ASIC2: variants seen among roughly 807,000 people sequenced by gnomAD.
The protein encoded by ASIC2 is acid sensing ion channel subunit 2, also known as acid-sensing ion channel 2.
ASIC2 carries 25 observed loss-of-function variants against 57.3 expected under a neutral mutation model. That is an observed-to-expected ratio of 0.44 (90% CI 0.32 to 0.61). The LOEUF is 0.61. Ranked by LOEUF, ASIC2 falls within the 20% of genes least tolerant of loss-of-function variation. The pLI, the probability that ASIC2 is intolerant of heterozygous loss-of-function variation, is 0.06. For missense variants in ASIC2, 641 were observed against 738.1 expected (o/e 0.87, Z 1.52); for synonymous variants, 319 against 307.5 (o/e 1.04, Z -0.39).
At chr17:33,973,656 C>T (rs557624713) in intron 1 of ASIC2, among the ~76,000 whole-genome samples, 1 of 152,298 alleles carries the variant, frequency 6.6e-6, no homozygotes, top group East Asian at 1.9e-4. Flanking sequence ...CATATAGACA[C>T]AGAGAGGAGT....
At chr17:33,291,144 G>A (rs564467337) in intron 1 of ASIC2, 1 of 619,098 alleles carries the variant, frequency 1.6e-6, no homozygotes, top group African/African-American at 1.9e-5. Context: ...GTAGAATGAG[G>A]GCTTTGGGGG....
At chr17:33,294,706 A>G (rs550543156), upstream of ASIC2, among the ~76,000 whole-genome samples, 1 of 152,246 alleles carries the variant, frequency 6.6e-6, no homozygotes, top group Non-Finnish European at 1.5e-5. Flanking sequence ...TATATACCCA[A>G]TGCATACTGC....
intron 1 of ASIC2, among the ~76,000 whole-genome samples, chr17:33,934,856 C>T (rs1175693092): frequency 2.0e-5 from 3 of 152,208 alleles, no homozygotes; most frequent in Non-Finnish European, 2.9e-5. Context: ...CCCCCTCAAG[C>T]TTTCCAGCTC....
intron 1 of ASIC2, among the ~76,000 whole-genome samples, chr17:33,431,541 G>T (rs1253125832): frequency 6.6e-6 from 1 of 152,156 alleles, no homozygotes; most frequent in Non-Finnish European, 1.5e-5. Context: ...GGAGGCGGAG[G>T]TCGCCGTGAG....
At chr17:33,094,196 G>A (rs1010879798) in intron 2 of ASIC2, among the ~76,000 whole-genome samples, 1 of 152,174 alleles carries the variant, frequency 6.6e-6, no homozygotes, top group Non-Finnish European at 1.5e-5. Context: ...ATCAGTTAAT[G>A]GTGGGCCAGG....
intron 1 of ASIC2, among the ~76,000 whole-genome samples, chr17:33,478,185 G>A (rs1436654300): frequency 6.6e-6 from 1 of 152,180 alleles, no homozygotes; most frequent in Non-Finnish European, 1.5e-5. Flanking sequence ...ACCTTCAAGG[G>A]AGGTGGATGA....
intron 3 of ASIC2, among the ~76,000 whole-genome samples, chr17:33,087,688 A>G (rs1314053262): frequency 3.5e-5 from 5 of 143,122 alleles, no homozygotes; most frequent in African/African-American, 5.2e-5. Context: ...CCAACCGCCC[A>G]AGTAGCTGGG....
intron 1 of ASIC2, among the ~76,000 whole-genome samples, chr17:33,773,838 A>T (rs200176555): frequency 2.7e-5 from 4 of 149,684 alleles, no homozygotes; most frequent in East Asian, 2.0e-4. Flanking sequence ...TTTTATTATT[A>T]TTTTTTTTTG....
rs376413662 is a variant in ASIC2, at chr17:34,131,897, G to C, written c.555+24081C>G. 4.1e-4 allele frequency among the ~76,000 whole-genome samples: 62 copies of C among 152,282 alleles called. 1 individual carries two copies. The highest frequency in any genetic ancestry group is 1.4e-3 in the African/African-American group (58 of 41,554). On this transcript the variant is annotated intron_variant, in intron 1 of 9. Coordinates refer to the ASIC2 transcript ENST00000359872. ...CCACTGACGAATTACCTTGGGTCTAGCTTCTCCATTCTTCTCTGAGGGACA... is the reference window on the plus strand; with the variant it reads ...CCACTGACGAATTACCTTGGGTCTACCTTCTCCATTCTTCTCTGAGGGACA...
intron 1 of ASIC2, among the ~76,000 whole-genome samples, chr17:33,517,614 A>G (rs1265290066): frequency 6.7e-6 from 1 of 149,728 alleles, no homozygotes; most frequent in African/African-American, 2.5e-5. Context: ...CAATGCACAC[A>G]AGTGAGAGAG....
In ASIC2 at chr17:33,704,656, A is replaced by T. The variant is rs1370645996; in HGVS notation, c.555+451322T>A. ...AACAGCTGTCAACAAAACAAGGGGCAGAAGTTCATGGACCAAAGACTAGGA... is the reference window on the plus strand; with the variant it reads ...AACAGCTGTCAACAAAACAAGGGGCTGAAGTTCATGGACCAAAGACTAGGA... On this transcript the variant is annotated intron_variant, in intron 1 of 9. Coordinates refer to the ASIC2 transcript ENST00000359872. Among the ~76,000 whole-genome samples, 3 of 152,378 alleles carry T rather than the reference A, an allele frequency of 2.0e-5. No individual in the cohort carries two copies. The East Asian group carries it at 5.8e-4, about 29-fold the overall frequency.
chr17:33,107,834 C>T lies in ASIC2; in HGVS notation c.859+4083G>A, dbSNP rs541900745. Among the ~76,000 whole-genome samples the T allele has an allele frequency of 2.6e-5, 4 of 152,338 alleles. No homozygotes were observed. In the East Asian group the frequency reaches 7.7e-4, roughly 29 times the overall value. On this transcript the variant is annotated intron_variant, in intron 2 of 9. Transcript: ENST00000225823. ...CCCCAGAAGAGTGGTTCCCTCCCTG[C>T]TTCCTGACATTCCTGAGAAGTGGAG...
chr17:33,821,373 A>T (rs1312285037), intron 1 of ASIC2, among the ~76,000 whole-genome samples: 1 of 152,158 alleles, frequency 6.6e-6, no homozygotes, highest in Non-Finnish European at 1.5e-5. Flanking sequence ...AAACACTTCC[A>T]GATGTGGAGA....
At chr17:33,081,880 T>A (rs2141958943) in intron 3 of ASIC2, among the ~76,000 whole-genome samples, 1 of 152,328 alleles carries the variant, frequency 6.6e-6, no homozygotes, top group African/African-American at 2.4e-5. Flanking sequence ...AGGAGCCAAC[T>A]GGTCCTGCCA....
intron 3 of ASIC2, among the ~76,000 whole-genome samples, chr17:33,057,224 C>T (rs1193527962): frequency 6.6e-6 from 1 of 152,176 alleles, no homozygotes; most frequent in Non-Finnish European, 1.5e-5. Context: ...TCCAGGAATG[C>T]ATTTAACCTG....
At chr17:33,860,273 G>C (rs1434920539) in intron 1 of ASIC2, among the ~76,000 whole-genome samples, 1 of 152,180 alleles carries the variant, frequency 6.6e-6, no homozygotes, top group Non-Finnish European at 1.5e-5. Context: ...GGGAAGAGAA[G>C]GGCAGGCTGC....
intron 2 of ASIC2, among the ~76,000 whole-genome samples, chr17:33,091,999 T>C (rs1458737430): frequency 1.3e-5 from 2 of 152,216 alleles, no homozygotes; most frequent in South Asian, 2.1e-4. Flanking sequence ...AGCACAGTTC[T>C]AGAATATCCA....
chr17:33,379,392 C>T (rs143048942), intron 1 of ASIC2, among the ~76,000 whole-genome samples: 1 of 152,344 alleles, frequency 6.6e-6, no homozygotes, highest in African/African-American at 2.4e-5. Context: ...TTATTTACCC[C>T]TTTGTCAGAA....
In ASIC2 at chr17:33,197,920, A is replaced by G. The variant is rs148242990; in HGVS notation, c.709-85853T>C. Among the ~76,000 whole-genome samples, 441 of 152,304 alleles carry G rather than the reference A, an allele frequency of 2.9e-3. 3 individuals are homozygous for G. In the South Asian group the frequency reaches 0.036, roughly 12 times the overall value. Reference sequence around the variant, plus strand: ...GGATTCAAAACTTGCAAATATTTAGATATGTGTTACATGGGCTTCCACTGG... The same window carrying G: ...GGATTCAAAACTTGCAAATATTTAGGTATGTGTTACATGGGCTTCCACTGG... On this transcript the variant is annotated intron_variant, in intron 1 of 9. Coordinates refer to ENST00000225823, the MANE Select transcript of ASIC2 (RefSeq NM_183377.2).
Sources: gnomAD v4.1 joint callset for allele counts (sites outside exome capture counted in the v4.1 genomes callset) on GRCh38, gnomAD v4.1.1 for gene constraint, MANE v1.5 for transcripts, NCBI Gene and HGNC (gene_info 2026-07-23, HGNC 2026-07-21) for gene names.